The following TIAM2 variants were observed in gnomAD, a reference collection of about 807,000 sequenced individuals.
TIAM2 encodes the protein rho guanine nucleotide exchange factor TIAM2.
A neutral mutation model predicts 152.9 loss-of-function variants in TIAM2; 80 were observed. The observed-to-expected ratio is 0.52, with a 90% CI of 0.44 to 0.63. The LOEUF (loss-of-function observed/expected upper bound fraction) is 0.63. Among genes scored for constraint, TIAM2 ranks in the 30% least tolerant of loss-of-function variants. TIAM2 has a pLI of 0.00. For synonymous variants in TIAM2, 804 were observed against 838.0 expected (o/e 0.96, Z 0.70); for missense variants, 1,965 against 2,120.1 (o/e 0.93, Z 1.44).
intron 15 of TIAM2, among the ~76,000 whole-genome samples, chr6:155,231,713 G>A (rs1782484646): frequency 6.6e-6 from 1 of 152,248 alleles, no homozygotes; most frequent in South Asian, 2.1e-4. Context: ...GCTGCAGCTG[G>A]ATGTGCAGAC....
chr6:155,161,626 G>C (rs1466603148), intron 7 of TIAM2, among the ~76,000 whole-genome samples: 1 of 150,590 alleles, frequency 6.6e-6, no homozygotes, highest in Non-Finnish European at 1.5e-5. Flanking sequence ...GGAGTGCAGT[G>C]GTGCGATCTC....
chr6:155,252,136 C>T (rs1200060303), intron 23 of TIAM2, 133 bp downstream of exon 23: 1 of 660,464 alleles, frequency 1.5e-6, no homozygotes, highest in East Asian at 2.8e-5. Context: ...TAACTAACCC[C>T]ATCACATACT....
intron 15 of TIAM2, among the ~76,000 whole-genome samples, chr6:155,233,573 A>G (rs3828729): frequency 0.25 from 38,447 of 152,176 alleles, 5,496 homozygotes; most frequent in Middle Eastern, 0.42. Context: ...ATAACTGCTT[A>G]GACGTCTGCC....
intron 1 of TIAM2, among the ~76,000 whole-genome samples, chr6:154,997,975 A>G (rs1186943596): frequency 6.6e-6 from 1 of 152,114 alleles, no homozygotes; most frequent in East Asian, 1.9e-4. Context: ...GAAAGAAGTA[A>G]GAGTTTGGGG....
intron 14 of TIAM2, among the ~76,000 whole-genome samples, chr6:155,192,799 T>C (rs912135988): frequency 6.6e-6 from 1 of 152,332 alleles, no homozygotes; most frequent in South Asian, 2.1e-4. Flanking sequence ...AAATTCATTC[T>C]TATACAGGTA....
chr6:155,240,134 T>C (rs1354415900), intron 15 of TIAM2, among the ~76,000 whole-genome samples: 5 of 152,220 alleles, frequency 3.3e-5, no homozygotes, highest in Admixed American at 3.3e-4. Context: ...AGGCCAACCA[T>C]TGAGGGGACT....
chr6:155,094,811 GAGCTCA>G (rs1778384925), intron 2 of TIAM2, among the ~76,000 whole-genome samples: 1 of 149,256 alleles, frequency 6.7e-6, no homozygotes, highest in Admixed American at 6.7e-5. Flanking sequence ...TTGAATTCCT[GAGCTCA>G]AGTGATCCGC....
intron 1 of TIAM2, among the ~76,000 whole-genome samples, chr6:155,008,875 T>C (rs185238510): frequency 1.3e-5 from 2 of 152,312 alleles, no homozygotes; most frequent in East Asian, 1.9e-4. Context: ...TTTCAGTGGG[T>C]GAATCTGTAG....
intron 2 of TIAM2, among the ~76,000 whole-genome samples, chr6:155,105,561 G>A (rs1164416559): frequency 1.3e-5 from 2 of 151,818 alleles, no homozygotes; most frequent in Non-Finnish European, 1.5e-5. Context: ...CTCCCTTGTA[G>A]CTTGGACCAC....
chr6:155,136,791 C>T (rs1266848869), intron 4 of TIAM2, among the ~76,000 whole-genome samples: 2 of 152,058 alleles, frequency 1.3e-5, no homozygotes, highest in African/African-American at 4.8e-5. Flanking sequence ...AAATAAATTG[C>T]AAGAATATGA....
At chr6:155,095,990 C>T (rs991751289) in intron 2 of TIAM2, among the ~76,000 whole-genome samples, 2 of 152,044 alleles carry the variant, frequency 1.3e-5, no homozygotes, top group African/African-American at 4.8e-5. Context: ...CTTTGTTTTA[C>T]CTTAGCCAAA....
chr6:155,251,034 T>G lies in TIAM2; in HGVS notation c.4060+13T>G, dbSNP rs746388745. The G allele has an allele frequency of 1.9e-6, 3 of 1,608,160 alleles. No homozygotes were observed. The highest frequency in any genetic ancestry group is 1.7e-6 in the Non-Finnish European group (2 of 1,174,816). On this transcript the variant is annotated intron_variant, in intron 22 of 26. Coordinates refer to ENST00000682666, the MANE Select transcript of TIAM2 (RefSeq NM_012454.4). ...CTCACAGTATTTGGTTAGTATTCCA[T>G]TCAGAAGAATGCAGACTGAACAGAG... is the stretch of plus-strand genomic sequence containing the variant.
At chr6:155,138,165 T>C (rs1291719328) in intron 5 of TIAM2, among the ~76,000 whole-genome samples, 1 of 152,232 alleles carries the variant, frequency 6.6e-6, no homozygotes, top group Non-Finnish European at 1.5e-5. Context: ...GATTTAATAC[T>C]TATTGCTTAT....
chr6:155,198,972 G>A lies in TIAM2; in HGVS notation c.3065-12232G>A, dbSNP rs569865014. ...GGAGCCTAGCTGCTGGCTCACGTCTGTGCTGCTCTGCAATTTTAATGGGCT... is the reference window on the plus strand; with the variant it reads ...GGAGCCTAGCTGCTGGCTCACGTCTATGCTGCTCTGCAATTTTAATGGGCT... On this transcript the variant is annotated intron_variant, in intron 14 of 26. Transcript: ENST00000682666. 3.1e-4 allele frequency among the ~76,000 whole-genome samples: 47 copies of A among 152,248 alleles called. No individual in the cohort carries two copies. The South Asian group carries it at 9.5e-3, about 31-fold the overall frequency.
chr6:155,068,781 A>AT (rs1777767351), intron 1 of TIAM2, among the ~76,000 whole-genome samples: 1 of 151,762 alleles, frequency 6.6e-6, no homozygotes, highest in South Asian at 2.1e-4. Context: ...TTTATTTTTT[A>AT]TTTTTTTGAG....
In TIAM2 at chr6:155,214,295, C is replaced by T. The variant is rs1483174007; in HGVS notation, c.3168+2988C>T. 2.6e-5 allele frequency among the ~76,000 whole-genome samples: 4 copies of T among 152,230 alleles called. No individual in the cohort carries two copies. The highest frequency in any genetic ancestry group is 5.9e-5 in the Non-Finnish European group (4 of 68,032). ...GGGCCACCGCTGCCATCAAGACCAC[C>T]AGGAGCCAGGCACATGGCACATCCT... On this transcript the variant is annotated intron_variant, in intron 15 of 26. Transcript: ENST00000682666. The surrounding 1 kb of genome is among the most constrained non-coding windows in gnomAD (Gnocchi z 5.4).
intron 1 of TIAM2, among the ~76,000 whole-genome samples, chr6:155,080,310 C>T (rs185431577): frequency 7.9e-5 from 12 of 152,146 alleles, no homozygotes; most frequent in African/African-American, 2.9e-4. Flanking sequence ...GAAATGAAAA[C>T]ACTTACGGAG....
In TIAM2 at chr6:155,164,045, C is replaced by T. The variant is rs549154204; in HGVS notation, c.2029-370C>T. Among the ~76,000 whole-genome samples, 67 of 151,390 alleles carry T rather than the reference C, an allele frequency of 4.4e-4. 3 individuals carry two copies. The South Asian group carries it at 0.01, about 23-fold the overall frequency. On this transcript the variant is annotated intron_variant, in intron 7 of 26. Transcript: ENST00000682666. The stretch of plus-strand genomic sequence containing the variant: ...CATGATCTTGGCTCACTGCAACCTC[C>T]GCCTTCTAGGTTTAATCCATTCTCC...
chr6:154,999,867 C>T (rs1237088364), intron 1 of TIAM2, among the ~76,000 whole-genome samples: 4 of 151,674 alleles, frequency 2.6e-5, no homozygotes, highest in African/African-American at 9.7e-5. Context: ...TTAGTACAGA[C>T]GGGGTTTCTC....
Sources: gnomAD v4.1 joint callset for allele counts (sites outside exome capture counted in the v4.1 genomes callset) on GRCh38, gnomAD v4.1.1 for gene constraint, Gnocchi (gnomAD v3.1) non-coding constraint, MANE v1.5 for transcripts, NCBI Gene and HGNC (gene_info 2026-07-23, HGNC 2026-07-21) for gene names.